Variants in SIDT1 observed in about 807,000 individuals in gnomAD.
The protein encoded by SIDT1 is SID1 transmembrane family, member 1.
Under a neutral mutation model 107.5 loss-of-function variants are expected in SIDT1, and 101 were observed. That is an observed-to-expected ratio of 0.94 (90% CI 0.80 to 1.11). The LOEUF (loss-of-function observed/expected upper bound fraction) is 1.11. Among genes scored for constraint, SIDT1 ranks in the 50% least tolerant of loss-of-function variants. The probability of loss-of-function intolerance (pLI) is 0.00; values close to 1 mark genes in which losing one functional copy is unlikely to be tolerated. For missense variants in SIDT1, 1,076 were observed against 1,058.2 expected (o/e 1.02, Z -0.23); for synonymous variants, 395 against 398.2 (o/e 0.99, Z 0.10).
At chr3:113,611,283 C>A in intron 18 of SIDT1, 139 bp downstream of exon 18, 1 of 974,302 alleles carries the variant, frequency 1.0e-6, no homozygotes, top group Non-Finnish European at 1.5e-6. Flanking sequence ...GACACAATTT[C>A]ATCTCATGAC....
intron 4 of SIDT1, among the ~76,000 whole-genome samples, chr3:113,578,822 C>A (rs1478348092): frequency 6.6e-6 from 1 of 151,862 alleles, no homozygotes; most frequent in Non-Finnish European, 1.5e-5. Context: ...GCCATTGCAC[C>A]CTAGCCTGGG....
intron 1 of SIDT1, among the ~76,000 whole-genome samples, chr3:113,552,310 G>C (rs1040757907): frequency 6.6e-6 from 1 of 152,160 alleles, no homozygotes; most frequent in Non-Finnish European, 1.5e-5. Flanking sequence ...AGCATTGGAG[G>C]ATAAGGAGGG....
intron 21 of SIDT1, 112 bp from the exon 22 acceptor site, chr3:113,623,314 TA>T (rs199727147): frequency 0.2 from 85,315 of 424,474 alleles, 69 homozygotes; most frequent in East Asian, 0.3. Flanking sequence ...AAATAAAAGT[TA>T]AAAAAAAAAA....
intron 10 of SIDT1, among the ~76,000 whole-genome samples, chr3:113,596,523 G>A (rs1285515715): frequency 6.6e-6 from 1 of 152,210 alleles, no homozygotes; most frequent in Non-Finnish European, 1.5e-5. Flanking sequence ...GCAAAGAGCT[G>A]CTCCAGGGGA....
rs753915000 is a variant in SIDT1 at position 113,585,226 on chromosome 3, C to T, written c.957C>T (p.Ser319=). The change falls in exon 9 of 25, where the codon TCC becomes TCT. Residue 319 remains serine, a synonymous_variant. Coordinates refer to ENST00000264852, the MANE Select transcript of SIDT1 (RefSeq NM_017699.3). ...TTTTCAGTGTCTTCATCTTCCTGTC[C>T]TTCTACTTGGGATGCCTTCTTGTTG... ...SSLFSVFIFL[S]FYLGCLLVGF... is the part of the protein sequence containing the mutation. The T allele has an allele frequency of 1.2e-6, 2 of 1,613,600 alleles. No homozygotes were observed. The highest frequency in any genetic ancestry group is 1.3e-5 in the African/African-American group (1 of 74,964).
intron 14 of SIDT1, 148 bp downstream of exon 14, chr3:113,605,124 C>CTT (rs5851901): frequency 3.6e-3 from 1,258 of 345,542 alleles, no homozygotes; most frequent in East Asian, 7.8e-3. Flanking sequence ...ATTGCTTCCT[C>CTT]TTTTTTTTTT....
At chr3:113,563,168 G>A (rs1482798267) in intron 1 of SIDT1, among the ~76,000 whole-genome samples, 1 of 152,190 alleles carries the variant, frequency 6.6e-6, no homozygotes, top group Non-Finnish European at 1.5e-5. Flanking sequence ...AGAAACTAGA[G>A]ACGAAGGCAC....
intron 22 of SIDT1, 24 bp from the exon 23 acceptor site, chr3:113,623,599 C>A (rs1221657962): frequency 2.5e-6 from 4 of 1,602,928 alleles, no homozygotes; most frequent in Non-Finnish European, 3.4e-6. Context: ...TCGCGTGAGG[C>A]CGCATCTGCT....
At chr3:113,635,670 T>C in the SIDT1 span, among the ~76,000 whole-genome samples, 4 of 151,870 alleles carry the variant, frequency 2.6e-5, no homozygotes, top group Non-Finnish European at 5.9e-5. Context: ...ATCAAGACCA[T>C]CCTGGATAAT....
chr3:113,565,178 T>C (rs1222254992), intron 1 of SIDT1, among the ~76,000 whole-genome samples: 1 of 152,180 alleles, frequency 6.6e-6, no homozygotes, highest in Non-Finnish European at 1.5e-5. Flanking sequence ...GTTGTTGTTG[T>C]TGCTTTTACC....
chr3:113,537,250 A>G (rs1236412128), intron 1 of SIDT1, among the ~76,000 whole-genome samples: 2 of 152,196 alleles, frequency 1.3e-5, no homozygotes, highest in African/African-American at 4.8e-5. Flanking sequence ...TTTTAATGAC[A>G]TATATTATAC....
the SIDT1 span, among the ~76,000 whole-genome samples, chr3:113,635,127 G>C: frequency 6.6e-6 from 1 of 152,216 alleles, no homozygotes; most frequent in Non-Finnish European, 1.5e-5. Flanking sequence ...TTACTACTGG[G>C]AGCCTGTTGT....
intron 1 of SIDT1, among the ~76,000 whole-genome samples, chr3:113,537,150 G>T (rs1938266509): frequency 6.6e-6 from 1 of 152,222 alleles, no homozygotes; most frequent in Non-Finnish European, 1.5e-5. Flanking sequence ...AGGTTTTCCT[G>T]TAAGAATTTA....
intron 10 of SIDT1, among the ~76,000 whole-genome samples, chr3:113,599,901 A>G (rs13070953): frequency 0.23 from 35,490 of 152,150 alleles, 4,185 homozygotes; most frequent in Admixed American, 0.28. Flanking sequence ...ACAACAAAAA[A>G]GAGGGAACTA....
At chr3:113,607,818 C>T (rs1945447573) in intron 15 of SIDT1, among the ~76,000 whole-genome samples, 1 of 152,180 alleles carries the variant, frequency 6.6e-6, no homozygotes, top group African/African-American at 2.4e-5. Context: ...TCATACTATA[C>T]AAACGCCACT....
chr3:113,583,524 G>A, intron 7 of SIDT1, 28 bp downstream of exon 7: 2 of 1,508,650 alleles, frequency 1.3e-6, no homozygotes, highest in South Asian at 1.3e-5. Flanking sequence ...ACACTTGGCT[G>A]CTTAGCAAAA....
At chr3:113,630,821 C>A (rs1211832342), downstream of SIDT1, among the ~76,000 whole-genome samples, 1 of 152,174 alleles carries the variant, frequency 6.6e-6, no homozygotes, top group Non-Finnish European at 1.5e-5. Context: ...ATCCTCAGCT[C>A]ACCCTCCTGA....
downstream of SIDT1, among the ~76,000 whole-genome samples, chr3:113,634,421 T>A (rs10934235): frequency 6.6e-6 from 1 of 151,566 alleles, no homozygotes; most frequent in Non-Finnish European, 1.5e-5. Flanking sequence ...CTTTGGGAGG[T>A]CAAGGCGGGT....
At chr3:113,542,254 G>A (rs1938997455) in intron 1 of SIDT1, among the ~76,000 whole-genome samples, 1 of 152,052 alleles carries the variant, frequency 6.6e-6, no homozygotes, top group Non-Finnish European at 1.5e-5. Context: ...GGTATGTGAT[G>A]TAACTTTTGA....
Sources: gnomAD v4.1 joint callset for allele counts (sites outside exome capture counted in the v4.1 genomes callset) on GRCh38, gnomAD v4.1.1 for gene constraint, MANE v1.5 for transcripts, NCBI Gene and HGNC (gene_info 2026-07-23, HGNC 2026-07-21) for gene names.